HEATR4: variants seen among roughly 807,000 people sequenced by gnomAD.
HEATR4 encodes the protein HEAT repeat-containing protein 4.
HEATR4 carries 95 observed loss-of-function variants against 108.8 expected under a neutral mutation model. The ratio of observed to expected loss-of-function variants is 0.87; its 90% CI spans 0.74 to 1.04. The LOEUF is 1.04. Ranked by LOEUF, HEATR4 falls within the 50% of genes least tolerant of loss-of-function variation. The pLI, the probability that HEATR4 is intolerant of heterozygous loss-of-function variation, is 0.00. For missense variants in HEATR4, 1,152 were observed against 1,253.8 expected (o/e 0.92, Z 1.23); for synonymous variants, 443 against 459.4 (o/e 0.96, Z 0.46).
In HEATR4 at chr14:73,541,848, TTTC is replaced by T. The variant is rs1298923479; in HGVS notation, c.-151-11607_-151-11605del. On this transcript the variant is annotated intron_variant, in intron 1 of 17. Transcript: ENST00000553558. ...TCACTTCTTATAGACAGTTTCTTTC[TTTC>T]TTCTTCTTCTTCTTTCTTTTTTTGA... Among the ~76,000 whole-genome samples, 181 of 114,578 alleles carry T rather than the reference TTTC, an allele frequency of 1.6e-3. 4 individuals are homozygous for T. Among genetic ancestry groups the T allele is most frequent in the African/African-American group, 5.2e-3 (178 of 34,492 alleles). 75.2% of individuals were successfully genotyped at this position (114,578 alleles called of 152,430 possible).
rs1399321156 is a variant in HEATR4 at position 73,512,072 on chromosome 14, C to A, written c.1492G>T (p.Ala498Ser). The part of the protein sequence containing the change: ...GDLHDDVRIK[A>S]ITTCATAALE... The stretch of plus-strand genomic sequence containing the variant: ...GCAGCTGTGGCACATGTGGTGATAG[C>A]TTTGATCCGAACGTCATCATGCAGG... The change falls in exon 7 of 18, where the codon GCT becomes TCT. Residue 498 changes from alanine to serine, a missense_variant. Physicochemically the swap from Ala to Ser is moderately conservative, Grantham distance 99. Coordinates refer to ENST00000553558, the MANE Select transcript of HEATR4 (RefSeq NM_001220484.1). The A allele has an allele frequency of 6.2e-7, 1 of 1,614,018 alleles. No individual in the cohort carries two copies. The highest frequency in any genetic ancestry group is 1.3e-5 in the African/African-American group (1 of 74,878).
intron 1 of HEATR4, among the ~76,000 whole-genome samples, chr14:73,552,329 G>A (rs1889336218): frequency 2.2e-5 from 2 of 92,032 alleles, no homozygotes; most frequent in Non-Finnish European, 4.4e-5. Context: ...TCCTTGCTAG[G>A]TGCCCTGTGA....
chr14:73,509,806 G>A (rs1276430061), intron 7 of HEATR4, among the ~76,000 whole-genome samples: 1 of 85,982 alleles, frequency 1.2e-5, no homozygotes, highest in Non-Finnish European at 2.3e-5. Context: ...TTTGCCCCAT[G>A]AGCCCATATA....
chr14:73,620,260 G>T, the HEATR4 span, among the ~76,000 whole-genome samples: 1 of 152,104 alleles, frequency 6.6e-6, no homozygotes, highest in Non-Finnish European at 1.5e-5. Flanking sequence ...TAGTGACAAA[G>T]CAACCAGCTC....
the HEATR4 span, chr14:73,619,634 G>GT: frequency 6.2e-7 from 1 of 1,614,170 alleles, no homozygotes; most frequent in South Asian, 1.1e-5. Context: ...CAGATAATCT[G>GT]TTACCCAGAA....
In HEATR4 at chr14:73,492,252, G is replaced by A; in HGVS notation, c.2844+814C>T. ...ATTCACCAAGCTGAATGCCAGGATG[G>A]AGTCCACTCTCTGCACCTCACCTTG... On this transcript the variant is annotated intron_variant, in intron 17 of 17. Transcript: ENST00000553558. The surrounding 1 kb of genome is among the most constrained non-coding windows in gnomAD (Gnocchi z 4.9). 6.2e-7 allele frequency: 1 copy of A among 1,613,988 alleles called. No individual in the cohort carries two copies. The highest frequency in any genetic ancestry group is 8.5e-7 in the Non-Finnish European group (1 of 1,179,882).
intron 6 of HEATR4, 54 bp from the exon 7 acceptor site, chr14:73,512,203 T>G: frequency 1.3e-6 from 2 of 1,596,148 alleles, no homozygotes; most frequent in Non-Finnish European, 1.7e-6. Context: ...GGTTAGATAT[T>G]GTGCTGCAGG....
chr14:73,607,901 G>A, the HEATR4 span, among the ~76,000 whole-genome samples: 3 of 151,856 alleles, frequency 2.0e-5, no homozygotes, highest in Admixed American at 2.0e-4. Context: ...TGGGATTATA[G>A]GCATGAGCCA....
At chr14:73,587,560 T>G in the HEATR4 span, among the ~76,000 whole-genome samples, 2 of 152,322 alleles carry the variant, frequency 1.3e-5, no homozygotes, top group East Asian at 3.9e-4. Context: ...TTTGCCACAT[T>G]GGCCAAGCTG....
chr14:73,571,269 T>C, the HEATR4 span: 1 of 157,842 alleles, frequency 6.3e-6, no homozygotes, highest in Middle Eastern at 2.7e-3. Context: ...GAATGGTATC[T>C]TTGTCATCAG....
the HEATR4 span, chr14:73,582,844 T>C: frequency 6.6e-6 from 1 of 152,148 alleles, no homozygotes; most frequent in African/African-American, 2.4e-5. Flanking sequence ...ACCCTCTCTC[T>C]CACGGTATAC....
chr14:73,527,995 T>G (rs1888448085), intron 2 of HEATR4, among the ~76,000 whole-genome samples: 1 of 148,390 alleles, frequency 6.7e-6, no homozygotes, highest in Non-Finnish European at 1.5e-5. Flanking sequence ...AGGAGTGATT[T>G]AGGATGTCCC....
At position 73,478,511 on chromosome 14, in the gene HEATR4, C is replaced by G; in HGVS notation, c.*95G>C. 1.3e-6 allele frequency: 1 copy of G among 795,196 alleles called. No homozygotes were observed. The highest frequency in any genetic ancestry group is 2.1e-6 in the Non-Finnish European group (1 of 474,362). The allele number at this position is 795,196 out of a possible 1,614,324, so 49.3% of individuals were successfully genotyped here. Reference sequence around the variant, plus strand: ...CTGTTAAATAATTTCTCTTTATAAACATAGTGACAACAAGATTGTACAGTA... The same window carrying G: ...CTGTTAAATAATTTCTCTTTATAAAGATAGTGACAACAAGATTGTACAGTA... On this transcript the variant is annotated 3_prime_UTR_variant, in exon 18 of 18. Coordinates refer to ENST00000553558, the MANE Select transcript of HEATR4 (RefSeq NM_001220484.1).
the HEATR4 span, among the ~76,000 whole-genome samples, chr14:73,573,890 C>A: frequency 6.6e-6 from 1 of 152,020 alleles, no homozygotes; most frequent in Admixed American, 6.6e-5. Context: ...CCATGCTTGG[C>A]TAATTTTTGT....
the HEATR4 span, among the ~76,000 whole-genome samples, chr14:73,588,854 C>A: frequency 1.3e-5 from 2 of 151,988 alleles, no homozygotes; most frequent in Non-Finnish European, 2.9e-5. Context: ...ACCCTGGACC[C>A]TCAGATTAAA....
At position 73,512,025 on chromosome 14, in the gene HEATR4, G is replaced by A. The variant is rs1490012914; in HGVS notation, c.1539C>T (p.Ala513=). The A allele has an allele frequency of 1.2e-6, 2 of 1,613,840 alleles. No individual in the cohort carries two copies. The highest frequency in any genetic ancestry group is 1.7e-6 in the Non-Finnish European group (2 of 1,179,926). Residue 513 remains alanine, a synonymous_variant, in exon 7 of 18, where the codon GCC becomes GCT. Transcript: ENST00000553558. ...TCTCACCTGAGTCTCTCTGGCTGGTGGCAATCCGGGGCCGTTCCAAAGCAG... is the reference window on the plus strand; with the variant it reads ...TCTCACCTGAGTCTCTCTGGCTGGTAGCAATCCGGGGCCGTTCCAAAGCAG... ...ATAALERPRI[A]TSQRDSDKTI...
At chr14:73,486,019 A>C (rs1429623010) in intron 17 of HEATR4, among the ~76,000 whole-genome samples, 1 of 152,180 alleles carries the variant, frequency 6.6e-6, no homozygotes, top group African/African-American at 2.4e-5. Context: ...TGGCCAGTGA[A>C]TATTTTTTAA....
In HEATR4 at chr14:73,491,427, C is replaced by CTG. The variant is rs1463018948; in HGVS notation, c.2844+1638_2844+1639insCA. On this transcript the variant is annotated intron_variant, in intron 17 of 17. Coordinates refer to ENST00000553558, the MANE Select transcript of HEATR4 (RefSeq NM_001220484.1). Reference sequence around the variant, plus strand: ...CCCGCGCGCCTGGTGGAGGTGCCCGCCGCGCCGGTCCGGGTGGTGGAGACC... The same window carrying CTG: ...CCCGCGCGCCTGGTGGAGGTGCCCGCTGCGCGCCGGTCCGGGTGGTGGAGACC... 9 of 1,354,342 alleles carry CTG rather than the reference C, an allele frequency of 6.6e-6. No homozygotes were observed. The East Asian group carries it at 1.8e-4, about 28-fold the overall frequency. The allele number at this position is 1,354,342 out of a possible 1,614,324, so 83.9% of individuals were successfully genotyped here.
chr14:73,593,810 C>T, the HEATR4 span: 1 of 1,073,238 alleles, frequency 9.3e-7, no homozygotes, highest in Non-Finnish European at 1.4e-6. Context: ...TTGGCTCTAG[C>T]TTATTATAAC....
Sources: allele counts gnomAD v4.1 joint callset (sites outside exome capture counted in the v4.1 genomes callset), GRCh38; gene constraint gnomAD v4.1.1; non-coding constraint Gnocchi (gnomAD v3.1); transcripts MANE v1.5; gene names NCBI Gene and HGNC (gene_info 2026-07-23, HGNC 2026-07-21).